The following ZNF777 variants were observed in gnomAD, a reference collection of about 807,000 sequenced individuals.
ZNF777 encodes the protein zinc finger protein 777.
A neutral mutation model predicts 72.1 loss-of-function variants in ZNF777; 7 were observed. The observed-to-expected ratio is 0.10, with a 90% CI of 0.06 to 0.18. The LOEUF is 0.18. ZNF777 is among the 10% of genes least tolerant of loss of function. ZNF777 has a pLI of 1.00. For synonymous variants in ZNF777, 545 were observed against 483.5 expected (o/e 1.13, Z -1.67); for missense variants, 828 against 1,128.6 (o/e 0.73, Z 3.82).
intron 4 of ZNF777, among the ~76,000 whole-genome samples, chr7:149,442,283 A>C (rs944859483): frequency 6.7e-6 from 1 of 149,586 alleles, no homozygotes; most frequent in African/African-American, 2.5e-5. Flanking sequence ...TTACACACAC[A>C]CACACACACA....
At chr7:149,454,082 G>C in intron 3 of ZNF777, 29 bp downstream of exon 3, 1 of 1,613,484 alleles carries the variant, frequency 6.2e-7, no homozygotes, top group Non-Finnish European at 8.5e-7. Flanking sequence ...CGTCCAGGCA[G>C]CCCCCAGCGA....
At chr7:149,447,676 C>T (rs933076871) in intron 4 of ZNF777, among the ~76,000 whole-genome samples, 1 of 152,194 alleles carries the variant, frequency 6.6e-6, no homozygotes, top group Non-Finnish European at 1.5e-5. Context: ...GACCATCCCC[C>T]CTGCAGTGAG....
At position 149,445,666 on chromosome 7, in the gene ZNF777, G is replaced by A. The variant is rs141299837; in HGVS notation, c.1087+5333C>T. On this transcript the variant is annotated intron_variant, in intron 4 of 5. Transcript: ENST00000247930. The stretch of plus-strand genomic sequence containing the variant: ...CTGCACGTCAAGTCTCCTTCTTCCC[G>A]TTTTCAATATGGTGCCCCACCCTCA... 3.1e-3 allele frequency among the ~76,000 whole-genome samples: 476 copies of A among 152,238 alleles called. 4 individuals are homozygous for A. The highest frequency in any genetic ancestry group is 9.6e-3 in the African/African-American group (397 of 41,534).
chr7:149,436,629 A>C lies in ZNF777; in HGVS notation c.1285T>G (p.Ser429Ala), dbSNP rs1279804296. The change falls in exon 5 of 6, where the codon TCC becomes GCC. Residue 429 changes from serine (S) to alanine (A), a missense_variant. This residue lies in a region of ZNF777 where 219 missense variants were observed against 223.0 expected (regional missense o/e 0.98). Coordinates refer to ENST00000247930, the MANE Select transcript of ZNF777 (RefSeq NM_015694.3). The surrounding 1 kb of genome is among the most constrained non-coding windows in gnomAD (Gnocchi z 5.0). ...TGCTTCAGTTCGCTGAACTCGCTGG[A>C]GCCTTCCGTGGACTCCTCCAGCGTG... ...ENTLEESTEG[S>A]SEFSELKQML... 1 of 1,613,370 alleles carries C rather than the reference A, an allele frequency of 6.2e-7. No individual in the cohort carries two copies. Among genetic ancestry groups the C allele is most frequent in the Non-Finnish European group, 8.5e-7 (1 of 1,179,946 alleles).
intron 1 of ZNF777, among the ~76,000 whole-genome samples, chr7:149,459,438 G>A (rs1799898903): frequency 6.6e-6 from 1 of 152,226 alleles, no homozygotes; most frequent in South Asian, 2.1e-4. Flanking sequence ...GCCGGAGGCA[G>A]AGGCTGGAGC....
At chr7:149,437,795 G>GTT (rs1799440098) in intron 4 of ZNF777, among the ~76,000 whole-genome samples, 1 of 73,660 alleles carries the variant, frequency 1.4e-5, no homozygotes, top group Non-Finnish European at 2.7e-5. Flanking sequence ...TTATATGTTT[G>GTT]TTTCTTTTTC....
intron 1 of ZNF777, among the ~76,000 whole-genome samples, chr7:149,459,134 G>T (rs1412136568): frequency 6.6e-6 from 1 of 151,478 alleles, no homozygotes; most frequent in Non-Finnish European, 1.5e-5. Context: ...TTTCTCATGA[G>T]TTTTTTTTTG....
In ZNF777 at chr7:149,460,129, CG is replaced by C; in HGVS notation, c.-16+685del. 2 of 981,302 alleles carry C rather than the reference CG, an allele frequency of 2.0e-6. No homozygotes were observed. Among genetic ancestry groups the C allele is most frequent in the Non-Finnish European group, 2.4e-6 (2 of 828,234 alleles). 60.8% of individuals were successfully genotyped at this position (981,302 alleles called of 1,614,324 possible). A position where few individuals can be genotyped will look rare whatever the true frequency, so the allele number is the denominator to read the frequency against. ...GCGCGCGGGCCGCCCTCACAGGAGC[CG>C]GGGCCGCCTCGGCCATGGCCCTGCG... On this transcript the variant is annotated intron_variant, in intron 1 of 5. Coordinates refer to ENST00000247930, the MANE Select transcript of ZNF777 (RefSeq NM_015694.3). This position sits in a 1 kb window ranked among gnomAD's most constrained non-coding sequence, Gnocchi z 6.1.
intron 4 of ZNF777, among the ~76,000 whole-genome samples, chr7:149,444,804 T>C (rs1363098974): frequency 2.0e-5 from 3 of 152,268 alleles, no homozygotes; most frequent in Non-Finnish European, 2.9e-5. Context: ...TGGAAGCTCG[T>C]AGGATTTCCT....
chr7:149,441,945 T>C (rs1166808993), intron 4 of ZNF777, among the ~76,000 whole-genome samples: 4 of 152,014 alleles, frequency 2.6e-5, no homozygotes, highest in African/African-American at 9.7e-5. Context: ...ATTTCTACAC[T>C]TGATACGAAA....
intron 4 of ZNF777, among the ~76,000 whole-genome samples, chr7:149,438,041 G>A (rs531164442): frequency 7.9e-5 from 12 of 151,770 alleles, no homozygotes; most frequent in Admixed American, 7.9e-4. Context: ...CACCACACCC[G>A]GCTAATTTTT....
Position 149,455,053 on chromosome 7 carries a change from G to C in ZNF777, c.846+124C>G. On this transcript the variant is annotated intron_variant, in intron 2 of 5. Coordinates refer to ENST00000247930, the MANE Select transcript of ZNF777 (RefSeq NM_015694.3). The surrounding 1 kb of genome is among the most constrained non-coding windows in gnomAD (Gnocchi z 4.2). ...AATAATTTGATTTTGGCATGTCCTA[G>C]CAACTGGGATCACTGTATTTTTTCC... 1 of 1,234,276 alleles carries C rather than the reference G, an allele frequency of 8.1e-7. No homozygotes were observed. Among genetic ancestry groups the C allele is most frequent in the Non-Finnish European group, 1.1e-6 (1 of 886,580 alleles). The allele number at this position is 1,234,276 out of a possible 1,614,324, so 76.5% of individuals were successfully genotyped here.
chr7:149,433,514 T>C (rs1799361581), intron 5 of ZNF777, among the ~76,000 whole-genome samples: 1 of 152,246 alleles, frequency 6.6e-6, no homozygotes. Context: ...ACTTCTTTCT[T>C]AATCCACTTG....
rs754849429 is a variant in ZNF777, at chr7:149,432,448, C to A, written c.1824G>T (p.Gly608=). Residue 608 remains glycine, a synonymous_variant, in exon 6 of 6, where the codon GGG becomes GGT. Transcript: ENST00000247930. ...VRGGCVSPER[G]PTFNPKHALK... is the part of the protein sequence containing the mutation. ...GCGCGTGCTTGGGGTTGAACGTGGG[C>A]CCGCGTTCGGGTGAGACGCAGCCTC... 9.3e-6 allele frequency: 15 copies of A among 1,613,288 alleles called. No individual in the cohort carries two copies. Among genetic ancestry groups the A allele is most frequent in the African/African-American group, 1.3e-5 (1 of 74,926 alleles).
intron 4 of ZNF777, among the ~76,000 whole-genome samples, chr7:149,438,614 T>A (rs1799458912): frequency 6.6e-6 from 1 of 152,174 alleles, no homozygotes; most frequent in Non-Finnish European, 1.5e-5. Context: ...ATAAATAAAT[T>A]ACTTTGTATG....
chr7:149,446,027 G>A (rs1489417939), intron 4 of ZNF777, among the ~76,000 whole-genome samples: 1 of 152,140 alleles, frequency 6.6e-6, no homozygotes, highest in African/African-American at 2.4e-5. Context: ...ACCTGCTTCA[G>A]GGCTGAAAAA....
rs142411070 is a variant in ZNF777 at position 149,450,120 on chromosome 7, C to T, written c.1087+879G>A. Reference sequence around the variant, plus strand: ...CCAGTAACTCTCAGCTATGTTCACACGCCACACCTGCCCACGAAGGACAAG... The same window carrying T: ...CCAGTAACTCTCAGCTATGTTCACATGCCACACCTGCCCACGAAGGACAAG... On this transcript the variant is annotated intron_variant, in intron 4 of 5. Transcript: ENST00000247930. 6.4e-4 allele frequency among the ~76,000 whole-genome samples: 97 copies of T among 152,306 alleles called. 1 individual carries two copies. Among genetic ancestry groups the T allele is most frequent in the African/African-American group, 1.9e-3 (78 of 41,562 alleles).
intron 4 of ZNF777, among the ~76,000 whole-genome samples, chr7:149,437,255 C>T (rs1799429780): frequency 6.6e-6 from 1 of 152,160 alleles, no homozygotes; most frequent in South Asian, 2.1e-4. Context: ...GGATGACAGG[C>T]ATGAATGAGT....
chr7:149,436,526 G>A lies in ZNF777; in HGVS notation c.1339+49C>T, dbSNP rs778711813. ...CTTTCCCAGGGGGCAGGGGCCCTCTGGGAGGCCTCATGGCAACCCTTCCCC... is the reference window on the plus strand; with the variant it reads ...CTTTCCCAGGGGGCAGGGGCCCTCTAGGAGGCCTCATGGCAACCCTTCCCC... On this transcript the variant is annotated intron_variant, in intron 5 of 5. Transcript: ENST00000247930. The surrounding 1 kb of genome is among the most constrained non-coding windows in gnomAD (Gnocchi z 5.0). 2.6e-6 allele frequency: 4 copies of A among 1,541,544 alleles called. No homozygotes were observed. In the South Asian group the frequency reaches 3.6e-5, roughly 14 times the overall value.
Sources: allele counts gnomAD v4.1 joint callset (sites outside exome capture counted in the v4.1 genomes callset), GRCh38; gene constraint gnomAD v4.1.1; regional missense constraint gnomAD v4.1.1; non-coding constraint Gnocchi (gnomAD v3.1); transcripts MANE v1.5; gene names NCBI Gene and HGNC (gene_info 2026-07-23, HGNC 2026-07-21).